Variants in NKAIN3 observed in about 807,000 individuals in gnomAD.
The protein encoded by NKAIN3 is sodium/potassium transporting ATPase interacting 3, also known as sodium/potassium-transporting ATPase subunit beta-1-interacting protein 3.
NKAIN3 carries 25 observed loss-of-function variants against 30.2 expected under a neutral mutation model. The observed-to-expected ratio is 0.83, with a 90% CI of 0.60 to 1.16. The LOEUF is 1.16. Among genes scored for constraint, NKAIN3 ranks in the 50% most tolerant of loss-of-function variants. The probability of loss-of-function intolerance (pLI) is 0.00; values close to 1 mark genes in which losing one functional copy is unlikely to be tolerated. For missense variants in NKAIN3, 225 were observed against 254.1 expected, an observed-to-expected ratio of 0.89 and a Z score of 0.78; for synonymous variants, 91 against 89.6, an observed-to-expected ratio of 1.02 and a Z score of -0.09.
chr8:62,828,181 T>A (rs191939138), intron 4 of NKAIN3, among the ~76,000 whole-genome samples: 2 of 152,306 alleles, frequency 1.3e-5, no homozygotes, highest in Admixed American at 1.3e-4. Context: ...TTGTTCCACT[T>A]TTTTTCACAT....
At chr8:62,615,666 A>C (rs188452487) in intron 3 of NKAIN3, among the ~76,000 whole-genome samples, 1 of 152,250 alleles carries the variant, frequency 6.6e-6, no homozygotes, top group African/African-American at 2.4e-5. Flanking sequence ...GGCATCTGCA[A>C]TTCCTCTCTG....
At chr8:62,536,144 A>G (rs1364244459) in intron 1 of NKAIN3, among the ~76,000 whole-genome samples, 1 of 152,202 alleles carries the variant, frequency 6.6e-6, no homozygotes, top group African/African-American at 2.4e-5. Context: ...AAATGACTCT[A>G]TTTTTGGAGC....
At chr8:62,418,357 GA>G (rs917182982) in intron 1 of NKAIN3, among the ~76,000 whole-genome samples, 23 of 151,866 alleles carry the variant, frequency 1.5e-4, no homozygotes, top group African/African-American at 2.7e-4. Flanking sequence ...AAAAAGATAG[GA>G]AAAAAAATTG....
chr8:62,637,721 C>A (rs1353472185), intron 3 of NKAIN3, among the ~76,000 whole-genome samples: 1 of 152,228 alleles, frequency 6.6e-6, no homozygotes, highest in South Asian at 2.1e-4. Context: ...AAGAAGCCTC[C>A]CAGGGCTTGG....
chr8:62,562,791 G>A (rs1331079222), intron 1 of NKAIN3, among the ~76,000 whole-genome samples: 3 of 151,976 alleles, frequency 2.0e-5, no homozygotes, highest in South Asian at 4.1e-4. Flanking sequence ...ATTTAATTTC[G>A]TTTCCAAATG....
chr8:62,806,801 T>C (rs1818302047), intron 4 of NKAIN3, among the ~76,000 whole-genome samples: 1 of 151,302 alleles, frequency 6.6e-6, no homozygotes, highest in South Asian at 2.1e-4. Context: ...AGTTAAAGTA[T>C]AATAATAATA....
chr8:62,588,421 A>G (rs1217665281), intron 2 of NKAIN3, among the ~76,000 whole-genome samples: 1 of 151,866 alleles, frequency 6.6e-6, no homozygotes, highest in Non-Finnish European at 1.5e-5. Context: ...TATCTTAAAA[A>G]TGAAAGCAAA....
intron 5 of NKAIN3, among the ~76,000 whole-genome samples, chr8:62,934,282 G>A (rs1466854098): frequency 3.3e-5 from 5 of 151,924 alleles, no homozygotes; most frequent in African/African-American, 1.2e-4. Flanking sequence ...GAAGGCTGAG[G>A]TGGGAGGATC....
At chr8:62,791,433 T>A (rs1478582781) in intron 4 of NKAIN3, among the ~76,000 whole-genome samples, 1 of 152,136 alleles carries the variant, frequency 6.6e-6, no homozygotes, top group Non-Finnish European at 1.5e-5. Context: ...TTTTAGAATA[T>A]TTTGTTATTA....
intron 3 of NKAIN3, among the ~76,000 whole-genome samples, chr8:62,683,083 G>A (rs1156981663): frequency 6.6e-6 from 1 of 152,062 alleles, no homozygotes; most frequent in African/African-American, 2.4e-5. Context: ...GCCCAGGCTG[G>A]AGTGCAGTGG....
chr8:62,500,481 G>GA (rs1412919327), intron 1 of NKAIN3, among the ~76,000 whole-genome samples: 18 of 123,058 alleles, frequency 1.5e-4, no homozygotes, highest in African/African-American at 5.3e-4. Flanking sequence ...AAGAAAGAAA[G>GA]AAAGAAGAAA....
chr8:62,751,391 T>A (rs1027459886), intron 4 of NKAIN3, among the ~76,000 whole-genome samples: 22 of 152,254 alleles, frequency 1.4e-4, no homozygotes, highest in Non-Finnish European at 2.6e-4. Context: ...GGGCCCCATA[T>A]GCCTGGTTCT....
chr8:62,623,913 A>C (rs1811704990), intron 3 of NKAIN3, among the ~76,000 whole-genome samples: 2 of 152,048 alleles, frequency 1.3e-5, no homozygotes, highest in Non-Finnish European at 2.9e-5. Context: ...TTATACTTAT[A>C]CTTATTTCTT....
intron 3 of NKAIN3, among the ~76,000 whole-genome samples, chr8:62,649,834 G>A (rs1277598463): frequency 6.6e-6 from 1 of 152,150 alleles, no homozygotes; most frequent in Non-Finnish European, 1.5e-5. Flanking sequence ...TTGGGCAGGG[G>A]CTGGGGGAAG....
intron 1 of NKAIN3, among the ~76,000 whole-genome samples, chr8:62,573,250 A>G (rs915672080): frequency 1.2e-4 from 19 of 152,180 alleles, no homozygotes; most frequent in African/African-American, 4.6e-4. Context: ...GAAGTTTTTT[A>G]CAATTTGATT....
At chr8:62,725,264 A>G (rs745808350) in intron 3 of NKAIN3, among the ~76,000 whole-genome samples, 33 of 152,212 alleles carry the variant, frequency 2.2e-4, no homozygotes, top group Non-Finnish European at 1.8e-4. Context: ...TGAGCTCTTT[A>G]TACATTCTGG....
At chr8:62,856,318 T>A in intron 4 of NKAIN3, 2 of 924,132 alleles carry the variant, frequency 2.2e-6, no homozygotes, top group Non-Finnish European at 3.6e-6. Flanking sequence ...ATATCTTTGA[T>A]GAGCTTCAGC....
intron 1 of NKAIN3, among the ~76,000 whole-genome samples, chr8:62,529,784 C>G (rs549858249): frequency 6.6e-6 from 1 of 152,160 alleles, no homozygotes; most frequent in Non-Finnish European, 1.5e-5. Flanking sequence ...CTTTCTGGTA[C>G]TTTCAGAGCA....
intron 1 of NKAIN3, among the ~76,000 whole-genome samples, chr8:62,471,882 CTA>C (rs1806361274): frequency 6.6e-6 from 1 of 152,076 alleles, no homozygotes; most frequent in South Asian, 2.1e-4. Flanking sequence ...GAGGTCAAGA[CTA>C]TGGTGAGCTA....
Sources: gnomAD v4.1 joint callset for allele counts (sites outside exome capture counted in the v4.1 genomes callset) on GRCh38, gnomAD v4.1.1 for gene constraint, MANE v1.5 for transcripts, NCBI Gene and HGNC (gene_info 2026-07-23, HGNC 2026-07-21) for gene names.